Variants in ADGRL2 observed in about 807,000 individuals in gnomAD.
The protein encoded by ADGRL2 is calcium-independent alpha-latrotoxin receptor 2.
In ADGRL2, 44 loss-of-function variants were observed where a neutral mutation model predicts 157.4. The ratio of observed to expected loss-of-function variants is 0.28; its 90% CI spans 0.22 to 0.36. The LOEUF (loss-of-function observed/expected upper bound fraction) is 0.36, where lower values mean the gene tolerates loss of function less well. ADGRL2 is among the 10% of genes least tolerant of loss of function. The probability of loss-of-function intolerance (pLI) is 1.00; values close to 1 mark genes in which losing one functional copy is unlikely to be tolerated. For synonymous variants in ADGRL2, 585 were observed against 624.7 expected (o/e 0.94, Z 0.95); for missense variants, 1,510 against 1,768.9 (o/e 0.85, Z 2.63).
chr1:81,506,543 C>A (rs2078979198), intron 2 of ADGRL2, among the ~76,000 whole-genome samples: 1 of 151,944 alleles, frequency 6.6e-6, no homozygotes, highest in African/African-American at 2.4e-5. Context: ...GACCCCATCT[C>A]TACAAATAAT....
At chr1:81,538,558 G>A (rs1259832123) in intron 2 of ADGRL2, among the ~76,000 whole-genome samples, 1 of 152,180 alleles carries the variant, frequency 6.6e-6, no homozygotes, top group African/African-American at 2.4e-5. Context: ...ACAAAATAGA[G>A]TAGTGAGATT....
chr1:81,738,065 A>C (rs568055333), intron 1 of ADGRL2, among the ~76,000 whole-genome samples: 4 of 152,328 alleles, frequency 2.6e-5, no homozygotes, highest in South Asian at 4.1e-4. Flanking sequence ...AATTTAAATA[A>C]ATAATGAAGT....
At chr1:81,979,836 C>T (rs1382338709) in intron 17 of ADGRL2, 33 bp from the exon 18 acceptor site, 1 of 1,200,560 alleles carries the variant, frequency 8.3e-7, no homozygotes, top group African/African-American at 1.5e-5. Context: ...GCTCTTTGTT[C>T]ATTGTGGTCT....
chr1:81,838,484 T>C (rs1286027430), intron 2 of ADGRL2, among the ~76,000 whole-genome samples: 1 of 152,104 alleles, frequency 6.6e-6, no homozygotes, highest in Admixed American at 6.6e-5. Flanking sequence ...TGAATAATAC[T>C]ATCATAAACA....
rs377642914 is a variant in ADGRL2 at position 81,380,564 on chromosome 1, A to T, written c.-301-64472A>T. ...TTTGGAATATAATATGAGGTGAGGG[A>T]ATACATGGATTTTTTCCAAATTGCT... On this transcript the variant is annotated intron_variant, in intron 1 of 24. Transcript: ENST00000370721. Among the ~76,000 whole-genome samples the T allele has an allele frequency of 1.5e-4, 23 of 152,262 alleles. No individual in the cohort carries two copies. The East Asian group carries it at 3.9e-3, about 26-fold the overall frequency.
intron 11 of ADGRL2, among the ~76,000 whole-genome samples, chr1:81,961,390 T>C (rs527553733): frequency 4.1e-4 from 62 of 152,180 alleles, no homozygotes; most frequent in Non-Finnish European, 8.7e-4. Flanking sequence ...GTAGCTGTCA[T>C]CTTTATTACT....
At chr1:81,321,812 A>G (rs1426726442) in intron 1 of ADGRL2, among the ~76,000 whole-genome samples, 1 of 147,772 alleles carries the variant, frequency 6.8e-6, no homozygotes, top group Non-Finnish European at 1.5e-5. Context: ...ACACAAAGAT[A>G]TGAAGTGATT....
intron 2 of ADGRL2, among the ~76,000 whole-genome samples, chr1:81,509,995 T>G (rs2079046958): frequency 6.6e-6 from 1 of 152,148 alleles, no homozygotes; most frequent in Non-Finnish European, 1.5e-5. Context: ...AAAAAGAAAG[T>G]TGAAGTGACT....
chr1:81,439,601 G>A (rs565127745), intron 1 of ADGRL2, among the ~76,000 whole-genome samples: 7 of 152,338 alleles, frequency 4.6e-5, no homozygotes, highest in Admixed American at 2.6e-4. Context: ...AACTCTGTGC[G>A]GGGCCCATGG....
intron 3 of ADGRL2, among the ~76,000 whole-genome samples, chr1:81,601,302 G>A (rs936793463): frequency 6.6e-6 from 1 of 152,116 alleles, no homozygotes; most frequent in Non-Finnish European, 1.5e-5. Flanking sequence ...TGTTTGTGAT[G>A]TCAATAGTGT....
intron 1 of ADGRL2, among the ~76,000 whole-genome samples, chr1:81,403,249 GT>G (rs879342276): frequency 0.021 from 1,348 of 64,256 alleles, 10 homozygotes; most frequent in Non-Finnish European, 0.05. Flanking sequence ...GTTGTTGTTT[GT>G]TTGTTTGTTT....
At chr1:81,793,581 C>T (rs709690) in intron 2 of ADGRL2, among the ~76,000 whole-genome samples, 151,314 of 152,166 alleles carry the variant, frequency 0.99, 75,244 homozygotes, top group Middle Eastern at 1. Flanking sequence ...ATATAAGGTA[C>T]AATATTTTAC....
intron 6 of ADGRL2, among the ~76,000 whole-genome samples, chr1:81,947,567 G>T (rs1650293434): frequency 1.3e-5 from 2 of 152,138 alleles, no homozygotes; most frequent in Admixed American, 1.3e-4. Flanking sequence ...TAAATAAGAT[G>T]ATCTGATTAT....
intron 3 of ADGRL2, among the ~76,000 whole-genome samples, chr1:81,662,909 G>T (rs530780487): frequency 3.8e-4 from 57 of 151,978 alleles, no homozygotes; most frequent in African/African-American, 8.0e-4. Flanking sequence ...CCCACCTTCC[G>T]CACTGCTTAA....
intron 2 of ADGRL2, among the ~76,000 whole-genome samples, chr1:81,899,429 G>A (rs573434540): frequency 1.3e-5 from 2 of 152,264 alleles, no homozygotes; most frequent in South Asian, 4.1e-4. Context: ...ACCTGTTGCC[G>A]GGAGGTATTT....
intron 17 of ADGRL2, among the ~76,000 whole-genome samples, chr1:81,977,337 GGAGAAA>G (rs1660446423): frequency 6.6e-6 from 1 of 151,796 alleles, no homozygotes; most frequent in Non-Finnish European, 1.5e-5. Context: ...GAGCAAAAGA[GGAGAAA>G]TGCATTGAAC....
chr1:81,891,662 A>T (rs1447852871), intron 2 of ADGRL2, among the ~76,000 whole-genome samples: 2 of 151,980 alleles, frequency 1.3e-5, no homozygotes, highest in African/African-American at 4.8e-5. Flanking sequence ...ATTTGTAAGC[A>T]CTTTTATGTA....
intron 1 of ADGRL2, among the ~76,000 whole-genome samples, chr1:81,409,091 T>TCTTATCTATTGTTAGATAGA (rs2076906680): frequency 6.6e-6 from 1 of 152,204 alleles, no homozygotes. Flanking sequence ...TAATCTAATG[T>TCTTATCTATTGTTAGATAGA]CTTATCTATT....
intron 2 of ADGRL2, among the ~76,000 whole-genome samples, chr1:81,894,575 G>C (rs776545613): frequency 6.6e-6 from 1 of 151,986 alleles, no homozygotes. Context: ...ATCTGTGTTA[G>C]TAGTGACAAT....
Sources: allele counts gnomAD v4.1 joint callset (sites outside exome capture counted in the v4.1 genomes callset), GRCh38; gene constraint gnomAD v4.1.1; transcripts MANE v1.5; gene names NCBI Gene and HGNC (gene_info 2026-07-23, HGNC 2026-07-21).